KCNH1: variants seen among roughly 807,000 people sequenced by gnomAD.
The protein encoded by KCNH1 is potassium voltage-gated channel subfamily H member 1.
A neutral mutation model predicts 69.2 loss-of-function variants in KCNH1; 27 were observed. The observed-to-expected ratio is 0.39, with a 90% CI of 0.29 to 0.54. The LOEUF (loss-of-function observed/expected upper bound fraction) is 0.54. Ranked by LOEUF, KCNH1 falls within the 20% of genes least tolerant of loss-of-function variation. KCNH1 has a pLI of 0.68. For missense variants in KCNH1, 798 were observed against 1,261.6 expected, an observed-to-expected ratio of 0.63 and a Z score of 5.57; for synonymous variants, 456 against 487.7, an observed-to-expected ratio of 0.93 and a Z score of 0.86.
chr1:210,682,126 A>G lies in KCNH1; in HGVS notation c.*1155T>C, dbSNP rs1236426369. The G allele has an allele frequency of 6.6e-6, 1 of 152,186 alleles. No individual in the cohort carries two copies. Among genetic ancestry groups the G allele is most frequent in the Non-Finnish European group, 1.5e-5 (1 of 68,040 alleles). The allele number at this position is 152,186 out of a possible 1,614,324, so 9.4% of individuals were successfully genotyped here. A position where few individuals can be genotyped will look rare whatever the true frequency, so the allele number is the denominator to read the frequency against. On this transcript the variant is annotated 3_prime_UTR_variant, in exon 11 of 11. Transcript: ENST00000271751. ...CTTTCCAGCTCCTGAAGAGAGTACA[A>G]TCATGATCCTGCAGTCTTTTTCCAT...
chr1:210,852,385 C>T (rs1685724861), intron 7 of KCNH1, among the ~76,000 whole-genome samples: 1 of 152,236 alleles, frequency 6.6e-6, no homozygotes, highest in Non-Finnish European at 1.5e-5. Flanking sequence ...TCCTGCAAAG[C>T]TGCAGTGCTG....
chr1:210,724,773 T>C (rs886894729), intron 10 of KCNH1, among the ~76,000 whole-genome samples: 4 of 152,146 alleles, frequency 2.6e-5, no homozygotes, highest in Non-Finnish European at 5.9e-5. Flanking sequence ...AGGGCACTCG[T>C]GGCCAATGTC....
intron 10 of KCNH1, among the ~76,000 whole-genome samples, chr1:210,689,346 G>A (rs1034300589): frequency 6.6e-6 from 1 of 152,198 alleles, no homozygotes; most frequent in Admixed American, 6.5e-5. Flanking sequence ...CCCTTGGCCT[G>A]GTCCTAGCTA....
chr1:210,911,555 A>G (rs539291694), intron 7 of KCNH1, among the ~76,000 whole-genome samples: 1 of 149,168 alleles, frequency 6.7e-6, no homozygotes, highest in Non-Finnish European at 1.5e-5. Flanking sequence ...CTTAAAGTAT[A>G]ATAAAAAAAA....
At chr1:210,926,427 C>T (rs894072861) in intron 6 of KCNH1, among the ~76,000 whole-genome samples, 4 of 152,250 alleles carry the variant, frequency 2.6e-5, no homozygotes, top group East Asian at 3.9e-4. Flanking sequence ...TCCGGAGCCT[C>T]GTAGCTCCAC....
At chr1:210,725,893 T>C (rs754380749) in intron 10 of KCNH1, among the ~76,000 whole-genome samples, 2 of 152,146 alleles carry the variant, frequency 1.3e-5, no homozygotes, top group Admixed American at 6.5e-5. Flanking sequence ...CCAGTACAAA[T>C]GTCACTTTCT....
At chr1:210,894,873 G>A (rs1371916449) in intron 7 of KCNH1, among the ~76,000 whole-genome samples, 2 of 152,116 alleles carry the variant, frequency 1.3e-5, no homozygotes, top group Non-Finnish European at 2.9e-5. Flanking sequence ...TATCCAGTCT[G>A]TGTGGTATTC....
chr1:211,126,349 A>T (rs1056801878), intron 1 of KCNH1, among the ~76,000 whole-genome samples: 3 of 152,110 alleles, frequency 2.0e-5, no homozygotes, highest in Non-Finnish European at 4.4e-5. Flanking sequence ...TCTCTACTAA[A>T]AATACAAAAA....
chr1:210,869,484 CGTGTGTGTGTGTGT>C (rs61235458), intron 7 of KCNH1, among the ~76,000 whole-genome samples: 5,322 of 137,008 alleles, frequency 0.039, 141 homozygotes, highest in Middle Eastern at 0.06. Context: ...AGTTATAAGT[CGTGTGTGTGTGTGT>C]GTGTGTGTGT....
intron 1 of KCNH1, among the ~76,000 whole-genome samples, chr1:211,131,157 G>C (rs1389772752): frequency 6.6e-6 from 1 of 151,954 alleles, no homozygotes; most frequent in African/African-American, 2.4e-5. Context: ...TTTATACAAT[G>C]ATGGGGAAGG....
chr1:210,973,445 T>G (rs1688549311), intron 6 of KCNH1, among the ~76,000 whole-genome samples: 2 of 152,126 alleles, frequency 1.3e-5, no homozygotes, highest in Non-Finnish European at 2.9e-5. Flanking sequence ...AACTGAACAT[T>G]TCAAACATGA....
intron 5 of KCNH1, among the ~76,000 whole-genome samples, chr1:211,039,143 T>C (rs1689948792): frequency 6.6e-6 from 1 of 152,182 alleles, no homozygotes; most frequent in South Asian, 2.1e-4. Flanking sequence ...GCTCCAGCTG[T>C]GGCTGAAAGG....
At chr1:211,049,235 T>C (rs907717046) in intron 5 of KCNH1, among the ~76,000 whole-genome samples, 10 of 152,178 alleles carry the variant, frequency 6.6e-5, no homozygotes, top group Admixed American at 6.5e-4. Flanking sequence ...GAAATGCATA[T>C]GTAAAAGTAC....
chr1:211,002,337 T>C (rs1448728990), intron 6 of KCNH1, among the ~76,000 whole-genome samples: 1 of 118,786 alleles, frequency 8.4e-6, no homozygotes, highest in East Asian at 2.0e-4. Flanking sequence ...TGTGTGTGTG[T>C]GTATATATAT....
chr1:211,037,245 G>A (rs1408353715), intron 5 of KCNH1, among the ~76,000 whole-genome samples: 1 of 152,158 alleles, frequency 6.6e-6, no homozygotes. Flanking sequence ...AAGCAGAGAA[G>A]CTGGGAGTAG....
At chr1:210,789,503 C>T (rs1380145460) in intron 9 of KCNH1, among the ~76,000 whole-genome samples, 1 of 152,088 alleles carries the variant, frequency 6.6e-6, no homozygotes, top group Non-Finnish European at 1.5e-5. Context: ...AAAAATAATG[C>T]TGTCAAGACA....
In KCNH1 at chr1:210,856,877, C is replaced by CTATATATATATATATATATATATATATA. The variant is rs150446990; in HGVS notation, c.1463-52712_1463-52711insTATATATATATATATATATATATATATA. The stretch of plus-strand genomic sequence containing the variant: ...TAACCCACTATATATATATAACCCA[C>CTATATATATATATATATATATATATATA]TATATATATATATATATATATAAAA... On this transcript the variant is annotated intron_variant, in intron 7 of 10. Transcript: ENST00000271751. 1.3e-3 allele frequency among the ~76,000 whole-genome samples: 129 copies of CTATATATATATATATATATATATATATA among 101,624 alleles called. 1 individual carries two copies. Among genetic ancestry groups the CTATATATATATATATATATATATATATA allele is most frequent in the African/African-American group, 2.7e-3 (75 of 28,222 alleles). 66.7% of individuals were successfully genotyped at this position (101,624 alleles called of 152,430 possible).
chr1:210,865,642 A>G (rs924648156), intron 7 of KCNH1, among the ~76,000 whole-genome samples: 3 of 152,258 alleles, frequency 2.0e-5, no homozygotes, highest in Non-Finnish European at 4.4e-5. Context: ...TTATGTAAGG[A>G]AAGACTTTGA....
intron 3 of KCNH1, among the ~76,000 whole-genome samples, chr1:211,097,330 CG>C (rs1691175673): frequency 6.6e-6 from 1 of 151,756 alleles, no homozygotes; most frequent in Non-Finnish European, 1.5e-5. Flanking sequence ...AAAAAGGAAA[CG>C]TATTTTTATT....
Sources: allele counts gnomAD v4.1 joint callset (sites outside exome capture counted in the v4.1 genomes callset), GRCh38; gene constraint gnomAD v4.1.1; transcripts MANE v1.5; gene names NCBI Gene and HGNC (gene_info 2026-07-23, HGNC 2026-07-21).